The following SLC30A6 variants were observed in gnomAD, a reference collection of about 807,000 sequenced individuals.
SLC30A6 encodes the protein solute carrier family 30 member 6.
A neutral mutation model predicts 63.0 loss-of-function variants in SLC30A6; 55 were observed. The observed-to-expected ratio is 0.87, with a 90% CI of 0.70 to 1.09. The LOEUF is 1.09. Among genes scored for constraint, SLC30A6 ranks in the 50% least tolerant of loss-of-function variants. The probability of loss-of-function intolerance (pLI) is 0.00; values close to 1 mark genes in which losing one functional copy is unlikely to be tolerated. For synonymous variants in SLC30A6, 224 were observed against 186.1 expected (o/e 1.20, Z -1.66); for missense variants, 587 against 549.2 (o/e 1.07, Z -0.69).
At chr2:32,179,826 GATA>G (rs1234226934) in intron 4 of SLC30A6, among the ~76,000 whole-genome samples, 3 of 152,114 alleles carry the variant, frequency 2.0e-5, no homozygotes, top group African/African-American at 7.2e-5. Flanking sequence ...TAAACAAACT[GATA>G]ATAATAGGTG....
At chr2:32,167,084 G>A (rs1156541541) in intron 1 of SLC30A6, among the ~76,000 whole-genome samples, 1 of 149,534 alleles carries the variant, frequency 6.7e-6, no homozygotes, top group Non-Finnish European at 1.5e-5. Flanking sequence ...TTTTTTTGTT[G>A]TTGTTTTCGA....
In SLC30A6 at chr2:32,220,558, T is replaced by G; in HGVS notation, c.1231T>G (p.Phe411Val). 1 of 1,614,198 alleles carries G rather than the reference T, an allele frequency of 6.2e-7. No homozygotes were observed. The highest frequency in any genetic ancestry group is 8.5e-7 in the Non-Finnish European group (1 of 1,180,030). ...LLNTQTRPYGFGLNHGHTPYS... is the reference protein window; with the variant it reads ...LLNTQTRPYGVGLNHGHTPYS... Reference sequence around the variant, plus strand: ...AAACACACAAACAAGGCCTTATGGTTTTGGTCTCAATCATGGACACACACC... The same window carrying G: ...AAACACACAAACAAGGCCTTATGGTGTTGGTCTCAATCATGGACACACACC... Residue 411 changes from phenylalanine (F) to valine (V), a missense_variant, in exon 14 of 14, where the codon TTT (phenylalanine) becomes GTT (valine). Physicochemically the swap from Phe to Val is conservative, Grantham distance 50. Transcript: ENST00000282587.
At chr2:32,189,281 C>CTTTTTTTTTTTTTTTTTT (rs61221362) in intron 5 of SLC30A6, among the ~76,000 whole-genome samples, 1 of 114,872 alleles carries the variant, frequency 8.7e-6, no homozygotes. Context: ...TTGATACTGT[C>CTTTTTTTTTTTTTTTTTT]TTTTTTTTTT....
At chr2:32,187,323 C>A (rs1314619670) in intron 5 of SLC30A6, 4 of 448,132 alleles carry the variant, frequency 8.9e-6, no homozygotes, top group Middle Eastern at 3.4e-4. Flanking sequence ...AAAGAGCTAG[C>A]TAGAGTATTT....
chr2:32,193,093 A>G (rs1158346122), intron 7 of SLC30A6, 140 bp downstream of exon 7: 2 of 513,074 alleles, frequency 3.9e-6, no homozygotes, highest in African/African-American at 4.0e-5. Context: ...AAAATTCCCT[A>G]ATACTAAGAC....
chr2:32,190,961 T>C (rs943747199), intron 5 of SLC30A6, among the ~76,000 whole-genome samples: 1 of 152,168 alleles, frequency 6.6e-6, no homozygotes, highest in African/African-American at 2.4e-5. Context: ...CACAAATCAG[T>C]GGACTATATA....
chr2:32,186,996 C>CA (rs760128005), intron 5 of SLC30A6, among the ~76,000 whole-genome samples: 3,809 of 49,798 alleles, frequency 0.076, 109 homozygotes, highest in African/African-American at 0.091. Context: ...ACGCTGTCTC[C>CA]AAAAAAAAAA....
intron 1 of SLC30A6, among the ~76,000 whole-genome samples, chr2:32,168,725 G>T (rs929377168): frequency 1.3e-5 from 2 of 152,134 alleles, no homozygotes; most frequent in Admixed American, 1.3e-4. Context: ...GCCTTTTCAC[G>T]CAAGAGTGGT....
At chr2:32,170,273 G>A (rs1681081886) in intron 1 of SLC30A6, among the ~76,000 whole-genome samples, 1 of 152,116 alleles carries the variant, frequency 6.6e-6, no homozygotes, top group Admixed American at 6.6e-5. Context: ...AACGGTAAGG[G>A]TGAAACATTA....
intron 1 of SLC30A6, 66 bp from the exon 2 acceptor site, chr2:32,171,221 C>T: frequency 7.5e-7 from 1 of 1,328,822 alleles, no homozygotes; most frequent in African/African-American, 1.4e-5. Context: ...ACCACTATAT[C>T]ATATCATAGG....
chr2:32,167,586 C>CTT (rs1268614682), intron 1 of SLC30A6, among the ~76,000 whole-genome samples: 2 of 151,986 alleles, frequency 1.3e-5, no homozygotes, highest in African/African-American at 4.8e-5. Flanking sequence ...TTTCATGAAC[C>CTT]TTTCCCTCAT....
chr2:32,206,885 G>A lies in SLC30A6; in HGVS notation c.769-1G>A, dbSNP rs1330439517. On this transcript the variant is annotated splice_acceptor_variant, in intron 11 of 13. Transcript: ENST00000282587. LOFTEE classifies it high-confidence loss of function. ...TCATATTTTATTGTATTTTTCCCCAGACAACACCACCCCATGTTATTGGTC... is the reference window on the plus strand; with the variant it reads ...TCATATTTTATTGTATTTTTCCCCAAACAACACCACCCCATGTTATTGGTC... 1.2e-6 allele frequency: 2 copies of A among 1,611,200 alleles called. No homozygotes were observed. The highest frequency in any genetic ancestry group is 2.7e-5 in the African/African-American group (2 of 74,820).
At chr2:32,203,917 C>A in intron 10 of SLC30A6, 2 of 856,234 alleles carry the variant, frequency 2.3e-6, no homozygotes, top group Admixed American at 3.6e-5. Context: ...ACAAGGGAGT[C>A]GCTCAGGAAG....
chr2:32,173,413 G>A lies in SLC30A6; in HGVS notation c.91-650G>A, dbSNP rs1214767495. On this transcript the variant is annotated intron_variant, in intron 2 of 13. Transcript: ENST00000282587. The stretch of plus-strand genomic sequence containing the variant: ...TTTTGAGACAGAGTCTCGCTCTGTC[G>A]CCCAGGCTGGAGTGCAGTGGCACAA... Among the ~76,000 whole-genome samples the A allele has an allele frequency of 1.1e-4, 16 of 148,646 alleles. No individual in the cohort carries two copies. The South Asian group carries it at 2.1e-3, about 20-fold the overall frequency.
At chr2:32,198,058 A>G (rs1050654394) in intron 10 of SLC30A6, among the ~76,000 whole-genome samples, 2 of 152,224 alleles carry the variant, frequency 1.3e-5, no homozygotes, top group Non-Finnish European at 2.9e-5. Flanking sequence ...TAAATTCCCT[A>G]CTGCTGACCT....
chr2:32,167,234 C>A (rs567601173), intron 1 of SLC30A6, among the ~76,000 whole-genome samples: 2 of 152,244 alleles, frequency 1.3e-5, no homozygotes, highest in African/African-American at 4.8e-5. Context: ...CGCCACCACG[C>A]CTGGCTAATT....
At chr2:32,184,126 C>G (rs1394356761) in intron 4 of SLC30A6, 147 bp from the exon 5 acceptor site, 12 of 275,762 alleles carry the variant, frequency 4.4e-5, no homozygotes, top group Non-Finnish European at 7.5e-5. Flanking sequence ...AATTAATTAT[C>G]TTAATAAATT....
intron 11 of SLC30A6, among the ~76,000 whole-genome samples, chr2:32,205,178 T>G (rs1481345353): frequency 6.6e-6 from 1 of 152,064 alleles, no homozygotes; most frequent in African/African-American, 2.4e-5. Flanking sequence ...CCCAGCACTT[T>G]GGGAGGCCAA....
chr2:32,206,514 C>A (rs1684789678), intron 11 of SLC30A6, among the ~76,000 whole-genome samples: 1 of 151,914 alleles, frequency 6.6e-6, no homozygotes, highest in Non-Finnish European at 1.5e-5. Context: ...TTACCCTATG[C>A]CTTTTCCAAG....
Sources: gnomAD v4.1 joint callset for allele counts (sites outside exome capture counted in the v4.1 genomes callset) on GRCh38, gnomAD v4.1.1 for gene constraint, MANE v1.5 for transcripts, NCBI Gene and HGNC (gene_info 2026-07-23, HGNC 2026-07-21) for gene names.